Variants in POLA2 observed in about 807,000 individuals in gnomAD.
POLA2 encodes DNA polymerase alpha 2, accessory subunit, also known as DNA polymerase alpha subunit B.
A neutral mutation model predicts 82.8 loss-of-function variants in POLA2; 47 were observed. The ratio of observed to expected loss-of-function variants is 0.57; its 90% CI spans 0.45 to 0.72. POLA2 has a LOEUF of 0.72. Among genes scored for constraint, POLA2 ranks in the 30% least tolerant of loss-of-function variants. POLA2 has a pLI of 0.00. For synonymous variants in POLA2, 287 were observed against 286.8 expected (o/e 1.00, Z -0.01); for missense variants, 634 against 728.1 (o/e 0.87, Z 1.49).
chr11:65,268,685 G>C lies in POLA2; in HGVS notation c.310G>C (p.Glu104Gln), dbSNP rs1428406147. 6.3e-7 allele frequency: 1 copy of C among 1,598,154 alleles called. No individual in the cohort carries two copies. Among genetic ancestry groups the C allele is most frequent in the Non-Finnish European group, 8.5e-7 (1 of 1,171,908 alleles). Residue 104 changes from glutamate (E) to glutamine (Q), a missense_variant, in exon 4 of 18, where the codon GAA (glutamate) becomes CAA (glutamine). Glu to Gln is a conservative substitution (Grantham distance 29). Transcript: ENST00000265465. ...CAGTGTTCTTAGAATTGAAGTGGAA[G>C]AAGAAGAGGAAATCCTCTTGAACTC... ...VSIQELIEVE[E>Q]EEEILLNSYT...
At chr11:65,268,603 A>C (rs1485174101) in intron 3 of POLA2, 69 bp from the exon 4 acceptor site, 1 of 977,528 alleles carries the variant, frequency 1.0e-6, no homozygotes, top group Non-Finnish European at 1.6e-6. Flanking sequence ...CGGCCTCCCA[A>C]AGTGCTGGGA....
chr11:65,264,398 T>A (rs1949435540), intron 1 of POLA2, among the ~76,000 whole-genome samples: 1 of 152,088 alleles, frequency 6.6e-6, no homozygotes, highest in South Asian at 2.1e-4. Context: ...AGAGACAAGG[T>A]TTCACCATGT....
intron 4 of POLA2, among the ~76,000 whole-genome samples, chr11:65,270,146 A>C (rs1163425437): frequency 6.6e-6 from 1 of 152,206 alleles, no homozygotes; most frequent in East Asian, 1.9e-4. Context: ...ATTATTCTTT[A>C]TACTAACTAA....
intron 17 of POLA2, 142 bp downstream of exon 17, chr11:65,296,132 T>C (rs1949808911): frequency 1.1e-6 from 1 of 872,056 alleles, no homozygotes; most frequent in African/African-American, 1.7e-5. Flanking sequence ...CTTGTTTCTT[T>C]GGGGAGGTGG....
chr11:65,297,003 C>T (rs941385728), intron 17 of POLA2, 117 bp from the exon 18 acceptor site: 9 of 997,896 alleles, frequency 9.0e-6, no homozygotes, highest in African/African-American at 3.3e-5. Context: ...TGGTTGCCTT[C>T]GTTTCCATTT....
intron 17 of POLA2, among the ~76,000 whole-genome samples, chr11:65,296,709 G>A (rs1224728564): frequency 6.6e-6 from 1 of 152,106 alleles, no homozygotes; most frequent in East Asian, 1.9e-4. Flanking sequence ...CACTTTGGGA[G>A]GCCGAGGTGG....
chr11:65,294,532 C>A lies in POLA2; in HGVS notation c.1354-14C>A, dbSNP rs369793165. On this transcript the variant is annotated splice_polypyrimidine_tract_variant and intron_variant, in intron 14 of 17. Transcript: ENST00000265465. ...TGGCATACAAATGTTTGTTTCAATC[C>A]GTTCTCATTTTAGCAAGTACAGTTT... is the stretch of plus-strand genomic sequence containing the variant. The A allele has an allele frequency of 2.5e-6, 4 of 1,591,228 alleles. No homozygotes were observed. The highest frequency in any genetic ancestry group is 3.4e-6 in the Non-Finnish European group (4 of 1,162,266).
Position 65,275,929 on chromosome 11 carries a change from C to T in POLA2, c.392C>T (p.Pro131Leu), listed in dbSNP as rs1565475126. ...CGAGCTATCTCTACCCCAGAAACCC[C>T]CCTAACAAAAAGGAGTGTGTCAACT... ...QKRAISTPET[P>L]LTKRSVSTRS... Residue 131 changes from proline (P) to leucine (L), a missense_variant, in exon 5 of 18, where the codon CCC becomes CTC. Coordinates refer to ENST00000265465, the MANE Select transcript of POLA2 (RefSeq NM_002689.4). 1.2e-6 allele frequency: 2 copies of T among 1,608,714 alleles called. No individual in the cohort carries two copies. Among genetic ancestry groups the T allele is most frequent in the South Asian group, 1.1e-5 (1 of 89,700 alleles).
chr11:65,279,312 A>G (rs1226867981), intron 6 of POLA2, among the ~76,000 whole-genome samples: 4 of 152,094 alleles, frequency 2.6e-5, no homozygotes, highest in African/African-American at 9.7e-5. Flanking sequence ...GATTCCCTGG[A>G]ATTGTGCTAT....
intron 8 of POLA2, among the ~76,000 whole-genome samples, 199 bp downstream of exon 8, chr11:65,281,346 G>A (rs868306549): frequency 2.1e-4 from 32 of 152,086 alleles, no homozygotes; most frequent in African/African-American, 5.1e-4. Flanking sequence ...ACCTGACTGC[G>A]CAGCCTCAAA....
chr11:65,291,523 G>A (rs1208652676), intron 13 of POLA2, among the ~76,000 whole-genome samples: 1 of 152,170 alleles, frequency 6.6e-6, no homozygotes, highest in African/African-American at 2.4e-5. Context: ...CAGATTTGCT[G>A]TGATCCTGGT....
rs113643545 is a variant in POLA2 at position 65,263,305 on chromosome 11, C to G, written c.79+934C>G. On this transcript the variant is annotated intron_variant, in intron 1 of 17. Coordinates refer to ENST00000265465, the MANE Select transcript of POLA2 (RefSeq NM_002689.4). ...TGCAATCTCGGCTCACTTCAGCCTC[C>G]GCCTCCCAGGTTCAAGCGATTCTCC... 5.6e-3 allele frequency among the ~76,000 whole-genome samples: 844 copies of G among 150,198 alleles called. 6 individuals are homozygous for G. Among genetic ancestry groups the G allele is most frequent in the Non-Finnish European group, 7.8e-3 (525 of 67,692 alleles).
At chr11:65,282,616 C>G in intron 10 of POLA2, 95 bp downstream of exon 10, 1 of 1,066,676 alleles carries the variant, frequency 9.4e-7, no homozygotes. Flanking sequence ...GCTGCAGAAG[C>G]TGCTGAAGAG....
At chr11:65,295,802 C>T in intron 16 of POLA2, 62 bp from the exon 17 acceptor site, 1 of 1,578,086 alleles carries the variant, frequency 6.3e-7, no homozygotes, top group Admixed American at 1.7e-5. Context: ...CCTAGGGGGA[C>T]TCTGTCTGAG....
chr11:65,296,072 C>G lies in POLA2; in HGVS notation c.1647+82C>G, dbSNP rs537735717. On this transcript the variant is annotated intron_variant, in intron 17 of 17. Coordinates refer to ENST00000265465, the MANE Select transcript of POLA2 (RefSeq NM_002689.4). The stretch of plus-strand genomic sequence containing the variant: ...CTTCTAGACCACCCGGCACTCACCC[C>G]TCATGGGTCAGCTGATGGGGATGGG... The G allele has an allele frequency of 5.8e-5, 87 of 1,512,470 alleles. No homozygotes were observed. In the African/African-American group the frequency reaches 9.6e-4, roughly 17 times the overall value. The allele number at this position is 1,512,470 out of a possible 1,614,324, so 93.7% of individuals were successfully genotyped here.
intron 12 of POLA2, among the ~76,000 whole-genome samples, chr11:65,289,300 A>T (rs1484520623): frequency 6.6e-6 from 1 of 152,174 alleles, no homozygotes; most frequent in Non-Finnish European, 1.5e-5. Context: ...AAGCTGGGGG[A>T]GGGACATATA....
chr11:65,263,410 G>A (rs1949422858), intron 1 of POLA2, among the ~76,000 whole-genome samples: 1 of 151,958 alleles, frequency 6.6e-6, no homozygotes, highest in Non-Finnish European at 1.5e-5. Context: ...TTTTAGTAGA[G>A]AAGGGGTTTC....
intron 4 of POLA2, among the ~76,000 whole-genome samples, chr11:65,274,117 C>T (rs1320252852): frequency 1.3e-5 from 2 of 151,978 alleles, no homozygotes; most frequent in South Asian, 2.1e-4. Context: ...TTTGGGAGGC[C>T]GAGGCAGGTG....
At chr11:65,270,563 G>T (rs1949511027) in intron 4 of POLA2, among the ~76,000 whole-genome samples, 1 of 152,148 alleles carries the variant, frequency 6.6e-6, no homozygotes, top group Non-Finnish European at 1.5e-5. Flanking sequence ...TCCCAGTGAA[G>T]GACACCTCCG....
Sources: gnomAD v4.1 joint callset for allele counts (sites outside exome capture counted in the v4.1 genomes callset) on GRCh38, gnomAD v4.1.1 for gene constraint, MANE v1.5 for transcripts, NCBI Gene and HGNC (gene_info 2026-07-23, HGNC 2026-07-21) for gene names.